SCIN: variants seen among roughly 807,000 people sequenced by gnomAD.
SCIN encodes adseverin.
In SCIN, 91 loss-of-function variants were observed where a neutral mutation model predicts 91.8. That is an observed-to-expected ratio of 0.99 (90% confidence interval 0.84 to 1.18). The LOEUF (loss-of-function observed/expected upper bound fraction) is 1.18, where lower values mean the gene tolerates loss of function less well. Among genes scored for constraint, SCIN ranks in the 50% most tolerant of loss-of-function variants. The pLI, the probability that SCIN is intolerant of heterozygous loss-of-function variation, is 0.00. For missense variants in SCIN, 1,087 were observed against 863.9 expected (o/e 1.26, Z -3.24); for synonymous variants, 367 against 312.6 (o/e 1.17, Z -1.84).
chr7:12,655,686 CA>C lies in SCIN; in HGVS notation c.*2972del, dbSNP rs1784152782. Reference sequence around the variant, plus strand: ...CTGGTCAAAACTTTTTGATCCATAGCACAGTATTACTTTTGTAAACATACAC... The same window carrying C: ...CTGGTCAAAACTTTTTGATCCATAGCCAGTATTACTTTTGTAAACATACAC... On this transcript the variant is annotated 3_prime_UTR_variant, in exon 16 of 16. Transcript: ENST00000297029. 6.6e-6 allele frequency: 1 copy of C among 152,158 alleles called. No homozygotes were observed. Among genetic ancestry groups the C allele is most frequent in the South Asian group, 2.1e-4 (1 of 4,836 alleles). 9.4% of individuals were successfully genotyped at this position (152,158 alleles called of 1,614,324 possible).
chr7:12,612,946 C>G (rs2115260445), intron 4 of SCIN, among the ~76,000 whole-genome samples: 1 of 152,218 alleles, frequency 6.6e-6, no homozygotes, highest in South Asian at 2.1e-4. Flanking sequence ...AAGTTAACAC[C>G]ACTTGGCAAT....
Position 12,654,696 on chromosome 7 carries a change from C to G in SCIN, c.*1981C>G, listed in dbSNP as rs1182891283. ...ATTTTACGATGTTTCTCTAGTTTAG[C>G]CAGTGGTTTTTCTCATCTCCAATTT... On this transcript the variant is annotated 3_prime_UTR_variant, in exon 16 of 16. Coordinates refer to ENST00000297029, the MANE Select transcript of SCIN (RefSeq NM_001112706.3). 2 of 152,044 alleles carry G rather than the reference C, an allele frequency of 1.3e-5. No homozygotes were observed. Among genetic ancestry groups the G allele is most frequent in the Non-Finnish European group, 2.9e-5 (2 of 67,984 alleles). 9.4% of individuals were successfully genotyped at this position (152,044 alleles called of 1,614,324 possible).
chr7:12,602,055 GC>G (rs1782969222), intron 3 of SCIN, among the ~76,000 whole-genome samples: 1 of 152,098 alleles, frequency 6.6e-6, no homozygotes, highest in African/African-American at 2.4e-5. Flanking sequence ...CCAGATATCG[GC>G]GGAACCCGCT....
intron 10 of SCIN, among the ~76,000 whole-genome samples, chr7:12,638,770 G>A (rs776861623): frequency 3.9e-5 from 6 of 152,074 alleles, no homozygotes; most frequent in East Asian, 1.9e-4. Flanking sequence ...ATTTAAAGGC[G>A]CATGTTAACT....
intron 11 of SCIN, among the ~76,000 whole-genome samples, chr7:12,640,808 CT>C (rs1244806852): frequency 3.3e-5 from 5 of 152,210 alleles, no homozygotes; most frequent in Non-Finnish European, 7.3e-5. Context: ...TAAGCTCCAT[CT>C]TGAAAGGCCT....
chr7:12,649,282 C>G (rs1437521509), intron 13 of SCIN, among the ~76,000 whole-genome samples, 185 bp from the exon 14 acceptor site: 1 of 151,998 alleles, frequency 6.6e-6, no homozygotes, highest in Non-Finnish European at 1.5e-5. Flanking sequence ...AAATAAAATA[C>G]TACTAGTTTG....
chr7:12,571,667 T>G, intron 1 of SCIN: 1 of 421,550 alleles, frequency 2.4e-6, no homozygotes, highest in South Asian at 1.8e-5. Context: ...AATAAATAGC[T>G]CTATATGGGT....
intron 3 of SCIN, 52 bp downstream of exon 3, chr7:12,581,273 G>C: frequency 6.6e-7 from 1 of 1,511,466 alleles, no homozygotes; most frequent in South Asian, 1.2e-5. Context: ...ATTGCTTTCG[G>C]ATCAAATCAT....
At chr7:12,635,087 T>C (rs1476241510) in intron 9 of SCIN, among the ~76,000 whole-genome samples, 1 of 151,770 alleles carries the variant, frequency 6.6e-6, no homozygotes, top group Admixed American at 6.6e-5. Context: ...GGAGAATTGC[T>C]TGAACCTGGG....
chr7:12,584,749 T>G (rs933468593), intron 3 of SCIN, among the ~76,000 whole-genome samples: 1 of 152,224 alleles, frequency 6.6e-6, no homozygotes, highest in African/African-American at 2.4e-5. Flanking sequence ...GTGAATTTAT[T>G]AGTCATGATT....
chr7:12,638,244 C>G (rs75983537), intron 10 of SCIN, among the ~76,000 whole-genome samples: 23,040 of 152,122 alleles, frequency 0.15, 2,558 homozygotes, highest in Admixed American at 0.35. Flanking sequence ...AGAGTACTTT[C>G]TTGTTCCTTT....
chr7:12,605,629 G>T (rs1783067103), intron 4 of SCIN, among the ~76,000 whole-genome samples: 2 of 152,282 alleles, frequency 1.3e-5, no homozygotes, highest in South Asian at 4.1e-4. Context: ...CAAAATGTGT[G>T]TTAAGTACTT....
chr7:12,580,132 T>C (rs1334794444), intron 2 of SCIN, among the ~76,000 whole-genome samples: 1 of 152,148 alleles, frequency 6.6e-6, no homozygotes, highest in Non-Finnish European at 1.5e-5. Flanking sequence ...GAAAAGAATG[T>C]GCTAATGACA....
intron 6 of SCIN, 26 bp downstream of exon 6, chr7:12,625,168 T>C: frequency 6.3e-7 from 1 of 1,588,200 alleles, no homozygotes; most frequent in Non-Finnish European, 8.6e-7. Flanking sequence ...GACGATGCTG[T>C]ATTTCAGATT....
chr7:12,636,129 T>G lies in SCIN; in HGVS notation c.1404T>G (p.Ala468=). 1 of 1,611,778 alleles carries G rather than the reference T, an allele frequency of 6.2e-7. No homozygotes were observed. The highest frequency in any genetic ancestry group is 8.5e-7 in the Non-Finnish European group (1 of 1,178,894). The change falls in exon 10 of 16, where the codon GCT becomes GCG. Residue 468 remains alanine (A), a synonymous_variant. Coordinates refer to ENST00000297029, the MANE Select transcript of SCIN (RefSeq NM_001112706.3). ...TGGATCGGTCCCTTGGAGGACAGGC[T>G]GTGCAGGTTGGGATATTTTTACCCC... ...VQLDRSLGGQ[A]VQIRVSQGKE...
At chr7:12,626,040 C>A (rs1200245467) in intron 7 of SCIN, 190 bp downstream of exon 7, 20 of 539,644 alleles carry the variant, frequency 3.7e-5, no homozygotes, top group Admixed American at 7.0e-5. Flanking sequence ...TTAGAAACTG[C>A]ACATCAGACT....
chr7:12,584,842 C>A (rs1782555430), intron 3 of SCIN, among the ~76,000 whole-genome samples: 1 of 152,106 alleles, frequency 6.6e-6, no homozygotes, highest in Non-Finnish European at 1.5e-5. Flanking sequence ...CTACCAGTAA[C>A]TGCAGAATGT....
rs535653844 is a variant in SCIN, at chr7:12,616,913, C to T, written c.667-5888C>T. The stretch of plus-strand genomic sequence containing the variant: ...TCTGCTGATTGCATAAAAGACTTTT[C>T]TCCAGGTTTTGCCTGGAGAGGGATA... On this transcript the variant is annotated intron_variant, in intron 4 of 15. Coordinates refer to ENST00000297029, the MANE Select transcript of SCIN (RefSeq NM_001112706.3). Among the ~76,000 whole-genome samples the T allele has an allele frequency of 2.6e-5, 4 of 152,236 alleles. No homozygotes were observed. The East Asian group carries it at 7.7e-4, about 29-fold the overall frequency.
chr7:12,594,889 T>G (rs1303702668), intron 3 of SCIN, among the ~76,000 whole-genome samples: 1 of 152,070 alleles, frequency 6.6e-6, no homozygotes, highest in African/African-American at 2.4e-5. Flanking sequence ...GGTCAAGGGT[T>G]CCAGGTAATA....
Sources: allele counts gnomAD v4.1 joint callset (sites outside exome capture counted in the v4.1 genomes callset), GRCh38; gene constraint gnomAD v4.1.1; transcripts MANE v1.5; gene names NCBI Gene and HGNC (gene_info 2026-07-23, HGNC 2026-07-21).